The following TSPEAR variants were observed in gnomAD, a reference collection of about 807,000 sequenced individuals.
TSPEAR encodes thrombospondin type laminin G domain and EAR repeats, also known as thrombospondin-type laminin G domain and EAR repeat-containing protein.
TSPEAR carries 69 observed loss-of-function variants against 71.6 expected under a neutral mutation model. The observed-to-expected ratio is 0.96, with a 90% CI of 0.79 to 1.18. The LOEUF (loss-of-function observed/expected upper bound fraction) is 1.18, where lower values mean the gene tolerates loss of function less well. Among genes scored for constraint, TSPEAR ranks in the 50% most tolerant of loss-of-function variants. TSPEAR has a pLI of 0.00. For synonymous variants in TSPEAR, 402 were observed against 387.2 expected (o/e 1.04, Z -0.45); for missense variants, 971 against 894.9 (o/e 1.09, Z -1.09).
At chr21:44,653,115 G>A (rs926769543) in intron 1 of TSPEAR, among the ~76,000 whole-genome samples, 14 of 152,098 alleles carry the variant, frequency 9.2e-5, no homozygotes, top group South Asian at 2.1e-4. Flanking sequence ...CTGAGATCAC[G>A]CCGCTGCACT....
chr21:44,706,162 G>A (rs1569270951), intron 1 of TSPEAR, among the ~76,000 whole-genome samples: 1 of 152,204 alleles, frequency 6.6e-6, no homozygotes. Context: ...CCACCAACCG[G>A]CGGCCTAGGC....
intron 9 of TSPEAR, among the ~76,000 whole-genome samples, chr21:44,515,124 C>A (rs1555913211): frequency 6.6e-6 from 1 of 152,208 alleles, no homozygotes; most frequent in Non-Finnish European, 1.5e-5. Flanking sequence ...AGCTCACGTT[C>A]ATGAAAGACA....
At chr21:44,557,001 A>G (rs2053542587) in intron 2 of TSPEAR, among the ~76,000 whole-genome samples, 1 of 152,218 alleles carries the variant, frequency 6.6e-6, no homozygotes, top group Admixed American at 6.5e-5. Flanking sequence ...CTGGTGAGAT[A>G]GCATGTACTT....
chr21:44,689,081 G>A (rs1373346253), intron 1 of TSPEAR, among the ~76,000 whole-genome samples: 3 of 152,122 alleles, frequency 2.0e-5, no homozygotes, highest in Non-Finnish European at 1.5e-5. Flanking sequence ...CAGCAAGAGA[G>A]GAGCCCGGGC....
At chr21:44,601,902 TTCTCC>T in intron 1 of TSPEAR, 1 of 1,003,188 alleles carries the variant, frequency 1.0e-6, no homozygotes, top group Non-Finnish European at 1.4e-6. Context: ...GCTCAGCTGT[TTCTCC>T]AAGTCTTGAC....
intron 2 of TSPEAR, chr21:44,551,304 C>T (rs782280768): frequency 1.9e-6 from 3 of 1,613,414 alleles, no homozygotes; most frequent in Non-Finnish European, 1.7e-6. Flanking sequence ...GCTGGACACA[C>T]AGCTCACTGG....
intron 1 of TSPEAR, among the ~76,000 whole-genome samples, chr21:44,645,644 G>A (rs1179330563): frequency 1.3e-5 from 2 of 151,910 alleles, no homozygotes; most frequent in African/African-American, 2.4e-5. Flanking sequence ...GAGTCACCAC[G>A]CTCAGCCAGC....
At chr21:44,499,976 T>G in intron 11 of TSPEAR, 40 bp from the exon 12 acceptor site, 1 of 1,559,730 alleles carries the variant, frequency 6.4e-7, no homozygotes, top group South Asian at 1.2e-5. Flanking sequence ...GCCTGGGCTC[T>G]GCGGGGCAGC....
intron 11 of TSPEAR, among the ~76,000 whole-genome samples, chr21:44,501,247 C>T (rs924630472): frequency 2.0e-5 from 3 of 151,828 alleles, no homozygotes; most frequent in Non-Finnish European, 2.9e-5. Context: ...GTCAGGAGTT[C>T]GAGAACAGCC....
At chr21:44,628,134 C>T in intron 1 of TSPEAR, 1 of 1,501,058 alleles carries the variant, frequency 6.7e-7, no homozygotes, top group Non-Finnish European at 9.0e-7. Flanking sequence ...AGCCTCAGCA[C>T]AGCTCAACAC....
At chr21:44,671,221 A>G (rs1261521209) in intron 1 of TSPEAR, among the ~76,000 whole-genome samples, 1 of 152,214 alleles carries the variant, frequency 6.6e-6, no homozygotes, top group African/African-American at 2.4e-5. Context: ...AGCCTGTCAC[A>G]ACCACCACTT....
At chr21:44,600,580 A>T in intron 1 of TSPEAR, 1 of 1,586,350 alleles carries the variant, frequency 6.3e-7, no homozygotes, top group Non-Finnish European at 8.6e-7. Context: ...TCATTCACTC[A>T]CTCACCCACT....
In TSPEAR at chr21:44,574,531, C is replaced by G. The variant is rs374302052; in HGVS notation, c.83-6526G>C. ...TGCTGCCAGCAGTCTAGCTGCCAGC[C>G]GGCTTGCTGCACCTCCTCTCCCTGC... On this transcript the variant is annotated intron_variant, in intron 1 of 11. Coordinates refer to ENST00000323084, the MANE Select transcript of TSPEAR (RefSeq NM_144991.3). The G allele has an allele frequency of 8.6e-5, 138 of 1,609,388 alleles. 2 individuals are homozygous for G. In the South Asian group the frequency reaches 1.5e-3, roughly 17 times the overall value.
intron 9 of TSPEAR, among the ~76,000 whole-genome samples, chr21:44,514,687 C>T (rs782260314): frequency 2.0e-5 from 3 of 152,226 alleles, no homozygotes; most frequent in Non-Finnish European, 2.9e-5. Flanking sequence ...GCCTAGACTT[C>T]TAGGGACAGA....
intron 1 of TSPEAR, chr21:44,627,557 C>T (rs1555934716): frequency 6.2e-7 from 1 of 1,613,616 alleles, no homozygotes; most frequent in African/African-American, 1.3e-5. Context: ...TACCAGCCAG[C>T]TTGCTGTGCC....
At chr21:44,594,995 T>C (rs1980267143) in intron 1 of TSPEAR, among the ~76,000 whole-genome samples, 1 of 152,024 alleles carries the variant, frequency 6.6e-6, no homozygotes, top group African/African-American at 2.4e-5. Context: ...CTAATTTTTG[T>C]ATTTTTAGTA....
intron 1 of TSPEAR, among the ~76,000 whole-genome samples, chr21:44,570,289 C>T (rs1324714015): frequency 2.0e-5 from 3 of 152,260 alleles, no homozygotes; most frequent in Non-Finnish European, 4.4e-5. Flanking sequence ...TTAAAATAGC[C>T]TCTTCCTGGC....
intron 9 of TSPEAR, among the ~76,000 whole-genome samples, chr21:44,514,021 C>G (rs924437030): frequency 6.6e-6 from 1 of 152,200 alleles, no homozygotes; most frequent in Non-Finnish European, 1.5e-5. Context: ...CCTGCAGAAC[C>G]CGCAAGCCTG....
At chr21:44,627,990 C>T (rs200392396) in intron 1 of TSPEAR, 2 of 1,611,166 alleles carry the variant, frequency 1.2e-6, no homozygotes, top group Non-Finnish European at 1.7e-6. Context: ...TTCTCTGCCG[C>T]CCTGTGTGCT....
Sources: allele counts gnomAD v4.1 joint callset (sites outside exome capture counted in the v4.1 genomes callset), GRCh38; gene constraint gnomAD v4.1.1; transcripts MANE v1.5; gene names NCBI Gene and HGNC (gene_info 2026-07-23, HGNC 2026-07-21).